The following RCAN2 variants were observed in gnomAD, a reference collection of about 807,000 sequenced individuals.
The protein encoded by RCAN2 is regulator of calcineurin 2.
Under a neutral mutation model 23.6 loss-of-function variants are expected in RCAN2, and 9 were observed. That is an observed-to-expected ratio of 0.38 (90% confidence interval 0.23 to 0.67). RCAN2 has a LOEUF of 0.67. RCAN2 is among the 30% of genes least tolerant of loss of function. The pLI is 0.51. For missense variants in RCAN2, 273 were observed against 302.3 expected (o/e 0.90, Z 0.72); for synonymous variants, 109 against 115.7 (o/e 0.94, Z 0.37).
intron 4 of RCAN2, among the ~76,000 whole-genome samples, chr6:46,229,419 G>A (rs1204463124): frequency 6.6e-6 from 1 of 152,156 alleles, no homozygotes; most frequent in Non-Finnish European, 1.5e-5. Flanking sequence ...ATCAGATGTA[G>A]ATTTGGTCTT....
At chr6:46,294,053 G>A (rs1015105012) in intron 2 of RCAN2, among the ~76,000 whole-genome samples, 8 of 152,296 alleles carry the variant, frequency 5.3e-5, no homozygotes, top group Admixed American at 1.3e-4. Flanking sequence ...CGTGTGCCAA[G>A]CTAAGGCATT....
chr6:46,451,540 A>G (rs545106258), intron 2 of RCAN2, among the ~76,000 whole-genome samples: 16 of 152,210 alleles, frequency 1.1e-4, no homozygotes, highest in Non-Finnish European at 2.2e-4. Flanking sequence ...GTAAAGTTCA[A>G]AGTAAACATC....
At chr6:46,474,040 A>G (rs1023253340) in intron 1 of RCAN2, among the ~76,000 whole-genome samples, 1 of 152,270 alleles carries the variant, frequency 6.6e-6, no homozygotes, top group African/African-American at 2.4e-5. Flanking sequence ...TTATGCAGGG[A>G]CACCCAGGCC....
intron 2 of RCAN2, among the ~76,000 whole-genome samples, chr6:46,369,930 G>T (rs1765281938): frequency 6.6e-6 from 1 of 152,196 alleles, no homozygotes; most frequent in Admixed American, 6.6e-5. Context: ...AACCCTTAGA[G>T]GGTAGGGTGT....
intron 2 of RCAN2, among the ~76,000 whole-genome samples, chr6:46,390,953 G>T (rs755729364): frequency 2.3e-4 from 35 of 152,272 alleles, no homozygotes; most frequent in Non-Finnish European, 4.4e-4. Context: ...TGGCAGGGGG[G>T]ACCAGGGAGT....
At chr6:46,308,730 A>G (rs181524919) in intron 2 of RCAN2, among the ~76,000 whole-genome samples, 1 of 152,320 alleles carries the variant, frequency 6.6e-6, no homozygotes, top group East Asian at 1.9e-4. Context: ...TTCAAAGAAC[A>G]AAAGTACTTT....
At chr6:46,486,605 G>A (rs1490313235) in intron 1 of RCAN2, among the ~76,000 whole-genome samples, 1 of 152,136 alleles carries the variant, frequency 6.6e-6, no homozygotes, top group Non-Finnish European at 1.5e-5. Flanking sequence ...CTAAGAAACA[G>A]TGATAAAATC....
intron 2 of RCAN2, among the ~76,000 whole-genome samples, chr6:46,434,103 A>T (rs1221116712): frequency 6.6e-6 from 1 of 152,202 alleles, no homozygotes; most frequent in Non-Finnish European, 1.5e-5. Context: ...CAATGTGCTG[A>T]TTGCCCAGTA....
intron 2 of RCAN2, among the ~76,000 whole-genome samples, chr6:46,319,973 G>T (rs567097145): frequency 1.3e-5 from 2 of 152,176 alleles, no homozygotes; most frequent in Admixed American, 6.5e-5. Context: ...TTACTATTAT[G>T]GTCATTGAAT....
chr6:46,470,695 C>T (rs148893134), intron 1 of RCAN2, among the ~76,000 whole-genome samples: 62 of 152,256 alleles, frequency 4.1e-4, no homozygotes, highest in African/African-American at 1.4e-3. Context: ...TTCCTTCTTC[C>T]AAATAGAACT....
chr6:46,296,184 T>G (rs1245870756), intron 2 of RCAN2, among the ~76,000 whole-genome samples: 1 of 151,862 alleles, frequency 6.6e-6, no homozygotes, highest in East Asian at 1.9e-4. Context: ...AATACCCAGT[T>G]GCTTGATGGT....
intron 2 of RCAN2, among the ~76,000 whole-genome samples, chr6:46,394,299 A>T (rs971370174): frequency 2.6e-5 from 4 of 152,232 alleles, no homozygotes; most frequent in Admixed American, 1.3e-4. Context: ...AAAGGTCTTA[A>T]CTGAAGGACA....
In RCAN2 at chr6:46,318,398, A is replaced by T. The variant is rs59657592; in HGVS notation, c.226-69502T>A. 3.8e-3 allele frequency among the ~76,000 whole-genome samples: 584 copies of T among 152,360 alleles called. 4 individuals carry two copies. Among genetic ancestry groups the T allele is most frequent in the African/African-American group, 0.014 (567 of 41,584 alleles). ...TCAAGACCTTTTTGAAACATTAAAAAAAAGTATAGTTCAGAGCTGATATAT... is the reference window on the plus strand; with the variant it reads ...TCAAGACCTTTTTGAAACATTAAAATAAAGTATAGTTCAGAGCTGATATAT... On this transcript the variant is annotated intron_variant, in intron 2 of 4. Transcript: ENST00000371374.
chr6:46,453,041 A>G (rs1279366975), intron 2 of RCAN2, among the ~76,000 whole-genome samples: 8 of 152,154 alleles, frequency 5.3e-5, no homozygotes, highest in Non-Finnish European at 8.8e-5. Flanking sequence ...GTGCATTCCA[A>G]TGTCCTACCC....
chr6:46,387,864 C>T (rs1042343202), intron 2 of RCAN2, among the ~76,000 whole-genome samples: 1 of 152,206 alleles, frequency 6.6e-6, no homozygotes, highest in South Asian at 2.1e-4. Context: ...AAATGTCCAT[C>T]AATGATAGAC....
chr6:46,482,198 A>G (rs1741931637), intron 1 of RCAN2, among the ~76,000 whole-genome samples: 1 of 152,052 alleles, frequency 6.6e-6, no homozygotes, highest in African/African-American at 2.4e-5. Flanking sequence ...ACTGACCTCA[A>G]ATTACTAATA....
intron 2 of RCAN2, among the ~76,000 whole-genome samples, chr6:46,344,219 T>C (rs1281746172): frequency 6.6e-6 from 1 of 152,168 alleles, no homozygotes; most frequent in African/African-American, 2.4e-5. Flanking sequence ...TATGCCTCAA[T>C]AAATTTATTA....
chr6:46,415,919 T>A (rs1766702658), intron 2 of RCAN2, among the ~76,000 whole-genome samples: 1 of 152,212 alleles, frequency 6.6e-6, no homozygotes, highest in Non-Finnish European at 1.5e-5. Flanking sequence ...TATTTGCATA[T>A]AACTACTAAC....
chr6:46,450,461 T>C (rs1417633901), intron 2 of RCAN2, among the ~76,000 whole-genome samples: 1 of 152,006 alleles, frequency 6.6e-6, no homozygotes, highest in African/African-American at 2.4e-5. Context: ...CTAAATAAAA[T>C]GAAATTGGTG....
Sources: allele counts gnomAD v4.1 joint callset (sites outside exome capture counted in the v4.1 genomes callset), GRCh38; gene constraint gnomAD v4.1.1; transcripts MANE v1.5; gene names NCBI Gene and HGNC (gene_info 2026-07-23, HGNC 2026-07-21).